ACSBG1: variants seen among roughly 807,000 people sequenced by gnomAD.
The protein encoded by ACSBG1 is acyl-CoA synthetase bubblegum family member 1, also known as long-chain-fatty-acid--CoA ligase ACSBG1.
In ACSBG1, 39 loss-of-function variants were observed where a neutral mutation model predicts 80.2. The observed-to-expected ratio is 0.49, with a 90% CI of 0.38 to 0.64. The LOEUF (loss-of-function observed/expected upper bound fraction) is 0.64. Among genes scored for constraint, ACSBG1 ranks in the 30% least tolerant of loss-of-function variants. ACSBG1 has a pLI of 0.00. For missense variants in ACSBG1, 828 were observed against 966.4 expected, an observed-to-expected ratio of 0.86 and a Z score of 1.90; for synonymous variants, 392 against 379.5, an observed-to-expected ratio of 1.03 and a Z score of -0.38.
At chr15:78,182,818 G>GT (rs765147019) in intron 5 of ACSBG1, 33 bp from the exon 6 acceptor site, 26 of 1,610,182 alleles carry the variant, frequency 1.6e-5, no homozygotes, top group Non-Finnish European at 1.8e-5. Context: ...TCAGGTTTCA[G>GT]TAAGAGAAAT....
intron 5 of ACSBG1, among the ~76,000 whole-genome samples, chr15:78,185,292 G>C (rs906823203): frequency 6.6e-6 from 1 of 152,194 alleles, no homozygotes; most frequent in Non-Finnish European, 1.5e-5. Flanking sequence ...GAAGACCAAT[G>C]ACCAGGGCTG....
intron 1 of ACSBG1, among the ~76,000 whole-genome samples, chr15:78,231,553 C>T (rs1356422940): frequency 6.6e-6 from 1 of 151,886 alleles, no homozygotes; most frequent in Non-Finnish European, 1.5e-5. Flanking sequence ...ACCAAAGTGC[C>T]AGGATTACAG....
intron 5 of ACSBG1, among the ~76,000 whole-genome samples, chr15:78,183,490 T>C (rs911441552): frequency 6.6e-6 from 1 of 152,106 alleles, no homozygotes. Context: ...GGCACGAGAC[T>C]CGCTTGAGCC....
chr15:78,221,195 C>T (rs2075357021), intron 1 of ACSBG1, among the ~76,000 whole-genome samples: 1 of 152,018 alleles, frequency 6.6e-6, no homozygotes, highest in African/African-American at 2.4e-5. Context: ...ATGTGAGGAC[C>T]TGCACCGGCG....
At chr15:78,171,779 A>T (rs2074826020) in intron 13 of ACSBG1, 1 of 366,692 alleles carries the variant, frequency 2.7e-6, no homozygotes, top group Non-Finnish European at 5.0e-6. Context: ...CACCTCTGAG[A>T]ATAGGTTATA....
chr15:78,234,280 A>C, intron 1 of ACSBG1, 91 bp downstream of exon 1: 2 of 1,513,184 alleles, frequency 1.3e-6, no homozygotes, highest in Non-Finnish European at 1.8e-6. Flanking sequence ...AGGCTCAGAG[A>C]GAGAAGCAGC....
intron 5 of ACSBG1, among the ~76,000 whole-genome samples, chr15:78,191,936 G>C (rs2075060663): frequency 1.3e-5 from 2 of 152,192 alleles, no homozygotes; most frequent in Non-Finnish European, 2.9e-5. Context: ...GTACCTCCAA[G>C]TGTGACCTTA....
intron 1 of ACSBG1, among the ~76,000 whole-genome samples, chr15:78,226,057 G>A (rs1157874748): frequency 1.3e-5 from 2 of 152,146 alleles, no homozygotes; most frequent in Admixed American, 1.3e-4. Context: ...GAGCAAGAAA[G>A]AAAATGAAAG....
At chr15:78,217,063 G>T (rs2075317736) in intron 1 of ACSBG1, among the ~76,000 whole-genome samples, 1 of 152,186 alleles carries the variant, frequency 6.6e-6, no homozygotes, top group South Asian at 2.1e-4. Flanking sequence ...TTTTCTATCT[G>T]TGACTGGTCA....
intron 2 of ACSBG1, among the ~76,000 whole-genome samples, chr15:78,204,697 G>A (rs1411527487): frequency 2.6e-5 from 4 of 152,200 alleles, no homozygotes; most frequent in Admixed American, 1.3e-4. Flanking sequence ...GGCCCCCATC[G>A]GAGGCTGCGG....
chr15:78,225,350 G>A (rs968104990), intron 1 of ACSBG1, among the ~76,000 whole-genome samples: 13 of 151,460 alleles, frequency 8.6e-5, no homozygotes, highest in African/African-American at 1.5e-4. Context: ...GCAGTGAGCC[G>A]AGATCACGGC....
intron 11 of ACSBG1, among the ~76,000 whole-genome samples, chr15:78,176,834 C>G (rs540319189): frequency 6.6e-6 from 1 of 151,932 alleles, no homozygotes; most frequent in African/African-American, 2.4e-5. Context: ...GAGGCTGGAC[C>G]GGAGGATCAC....
At chr15:78,182,241 G>T in intron 7 of ACSBG1, 96 bp from the exon 8 acceptor site, 1 of 1,455,742 alleles carries the variant, frequency 6.9e-7, no homozygotes, top group Non-Finnish European at 9.2e-7. Context: ...CCAGTGTGGT[G>T]CCCCCTGTGG....
intron 1 of ACSBG1, among the ~76,000 whole-genome samples, chr15:78,225,453 A>G (rs1048871739): frequency 1.3e-5 from 2 of 151,536 alleles, no homozygotes; most frequent in Non-Finnish European, 2.9e-5. Flanking sequence ...TAAAAAATAA[A>G]ATAAATTACA....
intron 2 of ACSBG1, 35 bp from the exon 3 acceptor site, chr15:78,194,761 C>G (rs1298506102): frequency 1.3e-6 from 2 of 1,596,250 alleles, no homozygotes; most frequent in East Asian, 4.5e-5. Context: ...TTGGATCATG[C>G]CAGCCTGGGG....
chr15:78,228,249 G>A (rs1463170679), intron 1 of ACSBG1, among the ~76,000 whole-genome samples: 1 of 152,166 alleles, frequency 6.6e-6, no homozygotes, highest in Non-Finnish European at 1.5e-5. Context: ...GGATCCAGGG[G>A]TCTCTCACAG....
rs1357923158 is a variant in ACSBG1, at chr15:78,182,622, C to T, written c.745-7G>A. Reference sequence around the variant, plus strand: ...GCTCCATGAATTCCTCCATCTGTAGCCAGATGCAGGGAGCAGGCAGGCTAG... The same window carrying T: ...GCTCCATGAATTCCTCCATCTGTAGTCAGATGCAGGGAGCAGGCAGGCTAG... On this transcript the variant is annotated splice_region_variant and splice_polypyrimidine_tract_variant and intron_variant, in intron 6 of 13. Coordinates refer to ENST00000258873, the MANE Select transcript of ACSBG1 (RefSeq NM_015162.5). 5 of 1,613,828 alleles carry T rather than the reference C, an allele frequency of 3.1e-6. No individual in the cohort carries two copies. The highest frequency in any genetic ancestry group is 4.2e-6 in the Non-Finnish European group (5 of 1,179,884).
At position 78,180,826 on chromosome 15, in the gene ACSBG1, GC is replaced by G; in HGVS notation, c.1181del (p.Gly394AlafsTer14). 6.2e-7 allele frequency: 1 copy of G among 1,614,214 alleles called. No homozygotes were observed. Among genetic ancestry groups the G allele is most frequent in the Non-Finnish European group, 8.5e-7 (1 of 1,180,040 alleles). On this transcript the variant is annotated frameshift_variant, in exon 9 of 14. Coordinates refer to ENST00000258873, the MANE Select transcript of ACSBG1 (RefSeq NM_015162.5). LOFTEE classifies it high-confidence loss of function. ...ERIQEVAAQSGFIRRKMLLWA... is the reference protein window; with the variant it reads ...ERIQEVAAQSXFIRRKMLLWA... ...ACAGCAGCATCTTTCGCCGGATGAA[GC>G]CAGACTGAGCCGCCACCTCCTGGAT...
intron 5 of ACSBG1, among the ~76,000 whole-genome samples, chr15:78,187,667 A>T (rs1166403890): frequency 2.0e-5 from 3 of 152,234 alleles, no homozygotes; most frequent in Non-Finnish European, 4.4e-5. Context: ...TATTGATGGG[A>T]TGTATCTCAA....
Sources: allele counts gnomAD v4.1 joint callset (sites outside exome capture counted in the v4.1 genomes callset), GRCh38; gene constraint gnomAD v4.1.1; transcripts MANE v1.5; gene names NCBI Gene and HGNC (gene_info 2026-07-23, HGNC 2026-07-21).